Variants in WDR72 observed in about 807,000 individuals in gnomAD.
The protein encoded by WDR72 is WD repeat domain 72.
WDR72 carries 120 observed loss-of-function variants against 124.2 expected under a neutral mutation model. The ratio of observed to expected loss-of-function variants is 0.97; its 90% CI spans 0.83 to 1.12. The LOEUF is 1.12. Among genes scored for constraint, WDR72 ranks in the 50% most tolerant of loss-of-function variants. The pLI is 0.00. For missense variants in WDR72, 1,387 were observed against 1,278.8 expected (o/e 1.08, Z -1.29); for synonymous variants, 452 against 441.7 (o/e 1.02, Z -0.29).
chr15:53,642,968 G>C (rs1595815094), intron 14 of WDR72, among the ~76,000 whole-genome samples: 1 of 151,974 alleles, frequency 6.6e-6, no homozygotes. Context: ...GTGATGGAGA[G>C]TCCTATATTG....
chr15:53,582,787 T>C (rs1444106704), intron 18 of WDR72, among the ~76,000 whole-genome samples: 2 of 151,962 alleles, frequency 1.3e-5, no homozygotes, highest in African/African-American at 2.4e-5. Context: ...CTATTTTCAA[T>C]TTATAAACAT....
At chr15:53,747,793 G>A (rs971383930) in intron 1 of WDR72, among the ~76,000 whole-genome samples, 1 of 152,062 alleles carries the variant, frequency 6.6e-6, no homozygotes, top group Non-Finnish European at 1.5e-5. Flanking sequence ...CATTAGATGT[G>A]GTAAGAGAAG....
chr15:53,559,475 C>T (rs1894054420), intron 18 of WDR72, among the ~76,000 whole-genome samples: 1 of 151,958 alleles, frequency 6.6e-6, no homozygotes, highest in Non-Finnish European at 1.5e-5. Flanking sequence ...CTTTCCTTGC[C>T]CTGTCATTGA....
chr15:53,671,990 A>G (rs913956326), intron 13 of WDR72, among the ~76,000 whole-genome samples: 3 of 151,636 alleles, frequency 2.0e-5, no homozygotes, highest in Non-Finnish European at 4.4e-5. Context: ...AGAGGGAGGG[A>G]GAGAGCGAGA....
intron 18 of WDR72, among the ~76,000 whole-genome samples, chr15:53,589,539 T>C (rs147124499): frequency 5.7e-4 from 86 of 150,214 alleles, no homozygotes; most frequent in African/African-American, 2.0e-3. Flanking sequence ...CCTTGAAGGG[T>C]CAGTGTCGGG....
intron 13 of WDR72, among the ~76,000 whole-genome samples, chr15:53,676,269 T>A (rs2016168516): frequency 6.6e-6 from 1 of 152,154 alleles, no homozygotes; most frequent in African/African-American, 2.4e-5. Flanking sequence ...TTCCCTCCCC[T>A]TTGAATATGA....
chr15:53,692,985 G>A (rs759879957), intron 13 of WDR72, among the ~76,000 whole-genome samples: 6 of 151,968 alleles, frequency 3.9e-5, no homozygotes, highest in Non-Finnish European at 5.9e-5. Context: ...ACATGGCTTC[G>A]AGAAAATGAC....
At chr15:53,549,693 G>T (rs1473758098) in intron 18 of WDR72, among the ~76,000 whole-genome samples, 7 of 152,074 alleles carry the variant, frequency 4.6e-5, no homozygotes, top group Non-Finnish European at 8.8e-5. Context: ...AAGGTGAAGG[G>T]TTATACCTAA....
intron 9 of WDR72, among the ~76,000 whole-genome samples, chr15:53,709,925 C>A (rs1417329978): frequency 6.6e-6 from 1 of 152,108 alleles, no homozygotes; most frequent in Non-Finnish European, 1.5e-5. Flanking sequence ...GTTGACACAT[C>A]AATAATTCAA....
At chr15:53,613,334 A>T (rs138947137) in intron 16 of WDR72, among the ~76,000 whole-genome samples, 40 of 152,276 alleles carry the variant, frequency 2.6e-4, no homozygotes, top group African/African-American at 9.4e-4. Context: ...AAAAGTTTCA[A>T]ATTTTTAGGC....
intron 14 of WDR72, among the ~76,000 whole-genome samples, chr15:53,660,922 T>C (rs533436107): frequency 6.6e-6 from 1 of 152,310 alleles, no homozygotes; most frequent in African/African-American, 2.4e-5. Flanking sequence ...AGGGAGGTGT[T>C]GACTATTTTG....
intron 19 of WDR72, among the ~76,000 whole-genome samples, chr15:53,518,390 G>C (rs1055421824): frequency 1.3e-5 from 2 of 151,798 alleles, no homozygotes; most frequent in African/African-American, 4.8e-5. Context: ...CAAAAACTAT[G>C]GTTTAGTTAA....
rs555714356 is a variant in WDR72 at position 53,667,029 on chromosome 15, G to T, written c.1766-1261C>A. Among the ~76,000 whole-genome samples the T allele has an allele frequency of 1.1e-4, 16 of 152,222 alleles. No homozygotes were observed. In the South Asian group the frequency reaches 3.1e-3, roughly 30 times the overall value. ...TATCATACAAGCTTATAAACATGTT[G>T]TTCTTCTAAGCTTTCCTTTTCCACC... On this transcript the variant is annotated intron_variant, in intron 13 of 19. Coordinates refer to ENST00000360509, the MANE Select transcript of WDR72 (RefSeq NM_182758.4).
Position 53,631,468 on chromosome 15 carries a change from T to G in WDR72, c.1963-15225A>C, listed in dbSNP as rs115152695. On this transcript the variant is annotated intron_variant, in intron 14 of 19. Coordinates refer to ENST00000360509, the MANE Select transcript of WDR72 (RefSeq NM_182758.4). Reference sequence around the variant, plus strand: ...AACACAGAAAATTGTCACTGAGGAGTGGAGCATTGCTGCAAAGATACCTGA... The same window carrying G: ...AACACAGAAAATTGTCACTGAGGAGGGGAGCATTGCTGCAAAGATACCTGA... 8.4e-3 allele frequency among the ~76,000 whole-genome samples: 1,280 copies of G among 152,102 alleles called. 19 individuals are homozygous for G. The highest frequency in any genetic ancestry group is 0.03 in the African/African-American group (1,238 of 41,474).
chr15:53,551,581 T>A (rs773886371), intron 18 of WDR72, among the ~76,000 whole-genome samples: 1 of 152,154 alleles, frequency 6.6e-6, no homozygotes. Flanking sequence ...TTTATCACCA[T>A]GAATTTGGTT....
intron 13 of WDR72, among the ~76,000 whole-genome samples, chr15:53,687,379 T>C (rs1279040380): frequency 2.0e-5 from 3 of 149,974 alleles, no homozygotes; most frequent in Non-Finnish European, 4.5e-5. Flanking sequence ...ATAAAGGGGA[T>C]ATCACCACCA....
chr15:53,652,797 C>T (rs1226343278), intron 14 of WDR72, among the ~76,000 whole-genome samples: 2 of 152,076 alleles, frequency 1.3e-5, no homozygotes, highest in Admixed American at 1.3e-4. Flanking sequence ...ACCACATTGC[C>T]TCTTAATCTT....
In WDR72 at chr15:53,665,628, G is replaced by A; in HGVS notation, c.1906C>T (p.Pro636Ser). The A allele has an allele frequency of 1.2e-6, 2 of 1,613,888 alleles. No individual in the cohort carries two copies. Among genetic ancestry groups the A allele is most frequent in the Middle Eastern group, 3.3e-4 (2 of 6,060 alleles). ...CAAGGTAATGGCCCAAGCTGGTAGG[G>A]GCTGGAGGATCTCTGTTCTATACTT... ...HKSIEQRSSS[P>S]YQLGPLPCPG... The change falls in exon 14 of 20, where the codon CCC becomes TCC. Residue 636 changes from proline (P) to serine (S), a missense_variant. By Grantham distance (74) the Pro-to-Ser change is moderately conservative. Coordinates refer to ENST00000360509, the MANE Select transcript of WDR72 (RefSeq NM_182758.4).
intron 14 of WDR72, among the ~76,000 whole-genome samples, chr15:53,621,826 G>A (rs1025975161): frequency 9.9e-5 from 15 of 151,916 alleles, no homozygotes; most frequent in Middle Eastern, 3.2e-3. Context: ...TATCATCAGC[G>A]TGAAGAGACA....
Sources: allele counts gnomAD v4.1 joint callset (sites outside exome capture counted in the v4.1 genomes callset), GRCh38; gene constraint gnomAD v4.1.1; transcripts MANE v1.5; gene names NCBI Gene and HGNC (gene_info 2026-07-23, HGNC 2026-07-21).